Variants in PLXDC1 observed in about 807,000 individuals in gnomAD.
PLXDC1 encodes the protein plexin domain containing 1, also known as plexin domain-containing protein 1.
A neutral mutation model predicts 61.3 loss-of-function variants in PLXDC1; 39 were observed. The observed-to-expected ratio is 0.64, with a 90% CI of 0.49 to 0.83. PLXDC1 has a LOEUF of 0.83. Ranked by LOEUF, PLXDC1 falls within the 40% of genes least tolerant of loss-of-function variation. The pLI is 0.00. For synonymous variants in PLXDC1, 212 were observed against 254.5 expected (o/e 0.83, Z 1.59); for missense variants, 596 against 666.5 (o/e 0.89, Z 1.17).
At chr17:39,126,211 A>T (rs1012766816) in intron 2 of PLXDC1, among the ~76,000 whole-genome samples, 1 of 152,084 alleles carries the variant, frequency 6.6e-6, no homozygotes, top group African/African-American at 2.4e-5. Flanking sequence ...CCAAGATCGC[A>T]CCACTGCACT....
At chr17:39,145,186 T>C (rs762595389) in intron 1 of PLXDC1, among the ~76,000 whole-genome samples, 29 of 152,114 alleles carry the variant, frequency 1.9e-4, no homozygotes, top group Non-Finnish European at 3.7e-4. Flanking sequence ...GCATGTGGGC[T>C]AGGTTCTTGG....
intron 2 of PLXDC1, chr17:39,112,330 A>C (rs2143713172): frequency 6.6e-6 from 1 of 152,386 alleles, no homozygotes; most frequent in South Asian, 2.1e-4. Flanking sequence ...CCGTAGCTAC[A>C]GCCTGCCCTC....
intron 7 of PLXDC1, among the ~76,000 whole-genome samples, chr17:39,095,954 A>C (rs907220275): frequency 6.6e-6 from 1 of 152,146 alleles, no homozygotes; most frequent in Non-Finnish European, 1.5e-5. Context: ...CGTAGCCACC[A>C]TGCCTGGCCC....
chr17:39,118,767 T>C (rs1343601415), intron 2 of PLXDC1, among the ~76,000 whole-genome samples: 2 of 152,246 alleles, frequency 1.3e-5, no homozygotes, highest in African/African-American at 4.8e-5. Context: ...AGCTCATCTA[T>C]TGGAAGCCTA....
chr17:39,147,084 T>C (rs1161771624), intron 1 of PLXDC1, among the ~76,000 whole-genome samples: 1 of 150,322 alleles, frequency 6.7e-6, no homozygotes, highest in African/African-American at 2.4e-5. Context: ...GCCTCCCAAG[T>C]AGCTGGGATT....
intron 2 of PLXDC1, among the ~76,000 whole-genome samples, chr17:39,121,697 C>T (rs572553786): frequency 2.8e-4 from 42 of 152,290 alleles, no homozygotes; most frequent in Non-Finnish European, 4.7e-4. Flanking sequence ...GCAGAGGCTC[C>T]CAGTTATAGC....
At chr17:39,131,261 C>T (rs748322964) in intron 2 of PLXDC1, among the ~76,000 whole-genome samples, 5 of 152,170 alleles carry the variant, frequency 3.3e-5, no homozygotes, top group African/African-American at 7.2e-5. Flanking sequence ...CCAGGACTGC[C>T]GGGCTCCTCC....
In PLXDC1 at chr17:39,105,964, G is replaced by A. The variant is rs1186631468; in HGVS notation, c.712-11C>T. The A allele has an allele frequency of 5.6e-6, 9 of 1,597,230 alleles. No homozygotes were observed. The highest frequency in any genetic ancestry group is 4.5e-5 in the East Asian group (2 of 44,782). ...GACAGACATAGGGATCTGCGGCAGG[G>A]AGAAGAGACTCCGTCCACCTCCCAA... On this transcript the variant is annotated splice_polypyrimidine_tract_variant and intron_variant, in intron 6 of 13. Transcript: ENST00000315392.
chr17:39,133,714 G>A (rs1457381138), intron 2 of PLXDC1, among the ~76,000 whole-genome samples: 2 of 152,136 alleles, frequency 1.3e-5, no homozygotes, highest in Non-Finnish European at 2.9e-5. Flanking sequence ...CAACACCTGG[G>A]CTCACGCGAT....
At chr17:39,081,082 A>G (rs1286079530) in intron 9 of PLXDC1, 11 of 152,656 alleles carry the variant, frequency 7.2e-5, no homozygotes, top group African/African-American at 2.7e-4. Flanking sequence ...ATTTGAAAGT[A>G]CACAAGAGGG....
rs1908856738 is a variant in PLXDC1, at chr17:39,065,413, T to C, written c.*2427A>G. ...TTCCGTTCTTTTTTTTTTTTTTTTT[T>C]TCGGAGACAGGGTCTCACTCTGTCA... On this transcript the variant is annotated 3_prime_UTR_variant, in exon 14 of 14. Coordinates refer to ENST00000315392, the MANE Select transcript of PLXDC1 (RefSeq NM_020405.5). 2.3e-5 allele frequency: 3 copies of C among 130,736 alleles called. No homozygotes were observed. 8.1% of individuals were successfully genotyped at this position (130,736 alleles called of 1,614,324 possible).
intron 7 of PLXDC1, among the ~76,000 whole-genome samples, chr17:39,099,924 C>T (rs1267075108): frequency 6.6e-6 from 1 of 152,130 alleles, no homozygotes; most frequent in African/African-American, 2.4e-5. Flanking sequence ...TAGACTGGAT[C>T]TGTGACTTGG....
chr17:39,126,360 A>AAGC (rs1911311596), intron 2 of PLXDC1, among the ~76,000 whole-genome samples: 1 of 152,238 alleles, frequency 6.6e-6, no homozygotes, highest in South Asian at 2.1e-4. Flanking sequence ...CTTTGACTGT[A>AAGC]AGCAAAGCAA....
intron 2 of PLXDC1, among the ~76,000 whole-genome samples, chr17:39,123,043 A>T (rs1911214064): frequency 6.6e-6 from 1 of 152,324 alleles, no homozygotes; most frequent in Admixed American, 6.5e-5. Context: ...ATGGAGCACA[A>T]TTCGAAAACC....
chr17:39,128,839 T>C (rs1911439571), intron 2 of PLXDC1, among the ~76,000 whole-genome samples: 1 of 150,614 alleles, frequency 6.6e-6, no homozygotes, highest in Non-Finnish European at 1.5e-5. Flanking sequence ...TGAAACCCTG[T>C]CTTTACTAAA....
chr17:39,074,900 C>T (rs772738755), intron 11 of PLXDC1, among the ~76,000 whole-genome samples: 5 of 152,154 alleles, frequency 3.3e-5, no homozygotes, highest in Non-Finnish European at 7.4e-5. Flanking sequence ...GACTCTGTCA[C>T]CAGCTCCCCA....
chr17:39,133,922 T>G (rs1911645804), intron 2 of PLXDC1, among the ~76,000 whole-genome samples: 1 of 149,638 alleles, frequency 6.7e-6, no homozygotes, highest in East Asian at 2.1e-4. Context: ...CCACTGTGAC[T>G]GGCTGATACA....
At chr17:39,103,214 CAAAAA>C (rs11299109) in intron 7 of PLXDC1, among the ~76,000 whole-genome samples, 1 of 128,836 alleles carries the variant, frequency 7.8e-6, no homozygotes, top group South Asian at 2.5e-4. Context: ...GACTCCGTCT[CAAAAA>C]AAAAAAAAAG....
chr17:39,116,280 A>G (rs1388071785), intron 2 of PLXDC1, among the ~76,000 whole-genome samples: 2 of 152,108 alleles, frequency 1.3e-5, no homozygotes, highest in African/African-American at 2.4e-5. Context: ...TAAACTCTCA[A>G]TCAGAAGGAC....
Sources: gnomAD v4.1 joint callset for allele counts (sites outside exome capture counted in the v4.1 genomes callset) on GRCh38, gnomAD v4.1.1 for gene constraint, MANE v1.5 for transcripts, NCBI Gene and HGNC (gene_info 2026-07-23, HGNC 2026-07-21) for gene names.